The following PCDHGB6 variants were observed in gnomAD, a reference collection of about 807,000 sequenced individuals.
PCDHGB6 encodes protocadherin gamma-B6.
Under a neutral mutation model 59.1 loss-of-function variants are expected in PCDHGB6, and 51 were observed. The ratio of observed to expected loss-of-function variants is 0.86; its 90% CI spans 0.69 to 1.09. PCDHGB6 has a LOEUF of 1.09. Among genes scored for constraint, PCDHGB6 ranks in the 50% least tolerant of loss-of-function variants. The pLI, the probability that PCDHGB6 is intolerant of heterozygous loss-of-function variation, is 0.00. For synonymous variants in PCDHGB6, 466 were observed against 495.1 expected (o/e 0.94, Z 0.78); for missense variants, 1,148 against 1,205.1 (o/e 0.95, Z 0.70).
chr5:141,420,079 C>A, intron 1 of PCDHGB6: 1 of 1,613,998 alleles, frequency 6.2e-7, no homozygotes, highest in Non-Finnish European at 8.5e-7. Flanking sequence ...CTGTGGGTCC[C>A]CCCAACTACA....
intron 1 of PCDHGB6, chr5:141,413,901 C>T (rs375828969): frequency 1.5e-5 from 24 of 1,613,244 alleles, no homozygotes; most frequent in African/African-American, 1.1e-4. Context: ...CAAATGACAA[C>T]GCGCCGGTCT....
chr5:141,448,511 A>C (rs2098593334), intron 1 of PCDHGB6, among the ~76,000 whole-genome samples: 1 of 152,076 alleles, frequency 6.6e-6, no homozygotes, highest in Admixed American at 6.6e-5. Context: ...ACATTTTATA[A>C]CTTTATTAAG....
chr5:141,505,520 C>T, intron 3 of PCDHGB6, 39 bp downstream of exon 3: 1 of 1,612,650 alleles, frequency 6.2e-7, no homozygotes, highest in Non-Finnish European at 8.5e-7. Flanking sequence ...AGTGGGAGAC[C>T]TGGGGTTCTG....
intron 1 of PCDHGB6, chr5:141,441,650 G>C (rs932742795): frequency 8.4e-6 from 2 of 238,510 alleles, no homozygotes; most frequent in African/African-American, 2.4e-5. Context: ...TGTGATTCTA[G>C]GTGTCCTTGA....
chr5:141,509,516 T>C (rs2099877144), intron 3 of PCDHGB6, among the ~76,000 whole-genome samples: 1 of 152,130 alleles, frequency 6.6e-6, no homozygotes, highest in Non-Finnish European at 1.5e-5. Context: ...GTGTTGATGA[T>C]GTATTGCACA....
intron 1 of PCDHGB6, chr5:141,415,317 G>T (rs778236674): frequency 6.2e-7 from 1 of 1,614,218 alleles, no homozygotes; most frequent in Non-Finnish European, 8.5e-7. Flanking sequence ...TCGTCATCGT[G>T]CTGCTGGCGC....
chr5:141,417,824 G>A (rs2096165363), intron 1 of PCDHGB6: 4 of 1,518,120 alleles, frequency 2.6e-6, no homozygotes, highest in Non-Finnish European at 3.5e-6. Context: ...TTCTCCAACT[G>A]GAAAAGCGGG....
chr5:141,434,747 C>T (rs2097714000), intron 1 of PCDHGB6, among the ~76,000 whole-genome samples: 1 of 151,606 alleles, frequency 6.6e-6, no homozygotes, highest in South Asian at 2.1e-4. Flanking sequence ...GCTATGAGAC[C>T]CCTGATTCCC....
At chr5:141,421,088 C>A in intron 1 of PCDHGB6, 2 of 659,434 alleles carry the variant, frequency 3.0e-6, no homozygotes, top group South Asian at 4.0e-5. Flanking sequence ...CTCACAGATC[C>A]TGACACTGGA....
chr5:141,433,048 G>T (rs777523454), intron 1 of PCDHGB6: 20 of 1,614,142 alleles, frequency 1.2e-5, no homozygotes, highest in Non-Finnish European at 1.5e-5. Flanking sequence ...CCACGGACTC[G>T]CGGAAGAGTC....
chr5:141,469,213 G>C (rs866405809), intron 1 of PCDHGB6, among the ~76,000 whole-genome samples: 4 of 150,912 alleles, frequency 2.7e-5, no homozygotes, highest in African/African-American at 9.7e-5. Flanking sequence ...TGAAGTTGAG[G>C]CTTCAGTGAG....
chr5:141,424,878 G>A (rs1455273258), intron 1 of PCDHGB6, among the ~76,000 whole-genome samples: 2 of 152,162 alleles, frequency 1.3e-5, no homozygotes, highest in African/African-American at 4.8e-5. Context: ...GAGGAAAGGA[G>A]ACTTATCTAG....
intron 1 of PCDHGB6, among the ~76,000 whole-genome samples, chr5:141,429,664 ATTATT>A (rs2097234085): frequency 6.6e-6 from 1 of 152,214 alleles, no homozygotes; most frequent in Non-Finnish European, 1.5e-5. Context: ...TTTAAAATAT[ATTATT>A]TTATTTTATG....
intron 1 of PCDHGB6, chr5:141,413,247 C>T (rs1168509242): frequency 1.2e-6 from 2 of 1,613,822 alleles, no homozygotes; most frequent in African/African-American, 2.7e-5. Flanking sequence ...GCCTTTTCTT[C>T]GGGATTCCAT....
At chr5:141,428,100 G>C (rs1313410784) in intron 1 of PCDHGB6, 11 of 1,608,462 alleles carry the variant, frequency 6.8e-6, no homozygotes, top group Non-Finnish European at 9.3e-6. Context: ...GTCCTACCAC[G>C]TGCTGCAGGC....
chr5:141,428,037 C>T, intron 1 of PCDHGB6: 1 of 1,608,458 alleles, frequency 6.2e-7, no homozygotes, highest in South Asian at 1.1e-5. Context: ...GTCCGGCTAC[C>T]TGGTGACCAA....
intron 3 of PCDHGB6, among the ~76,000 whole-genome samples, chr5:141,509,277 T>TC (rs566266970): frequency 0.011 from 1,653 of 152,240 alleles, 22 homozygotes; most frequent in Non-Finnish European, 0.018. Context: ...CGCTACCCGC[T>TC]CCCAGGGTCC....
At chr5:141,415,437 G>A in intron 1 of PCDHGB6, 1 of 1,614,200 alleles carries the variant, frequency 6.2e-7, no homozygotes, top group Non-Finnish European at 8.5e-7. Flanking sequence ...GGGCTTTCCT[G>A]CAGACCTATT....
At position 141,489,870 on chromosome 5, in the gene PCDHGB6, G is replaced by T; in HGVS notation, c.2419-4937G>T. On this transcript the variant is annotated intron_variant, in intron 1 of 3. Transcript: ENST00000520790. The surrounding 1 kb of genome is among the most constrained non-coding windows in gnomAD (Gnocchi z 4.5). ...GTGAAGCCCAGGCAAGACATCAGCT[G>T]GTGCTTACTGCTGTGGATGGGGGGA... 1.2e-6 allele frequency: 2 copies of T among 1,614,220 alleles called. No individual in the cohort carries two copies. The highest frequency in any genetic ancestry group is 1.7e-6 in the Non-Finnish European group (2 of 1,180,024).
Sources: allele counts gnomAD v4.1 joint callset (sites outside exome capture counted in the v4.1 genomes callset), GRCh38; gene constraint gnomAD v4.1.1; non-coding constraint Gnocchi (gnomAD v3.1); transcripts MANE v1.5; gene names NCBI Gene and HGNC (gene_info 2026-07-23, HGNC 2026-07-21).